FLNB: variants seen among roughly 807,000 people sequenced by gnomAD.
The protein encoded by FLNB is filamin B, also known as filamin-B.
A neutral mutation model predicts 250.6 loss-of-function variants in FLNB; 111 were observed. The ratio of observed to expected loss-of-function variants is 0.44; its 90% CI spans 0.38 to 0.52. FLNB has a LOEUF of 0.52. Among genes scored for constraint, FLNB ranks in the 20% least tolerant of loss-of-function variants. The pLI is 0.00. For missense variants in FLNB, 2,869 were observed against 3,447.8 expected, an observed-to-expected ratio of 0.83 and a Z score of 4.20; for synonymous variants, 1,302 against 1,372.1, an observed-to-expected ratio of 0.95 and a Z score of 1.13.
rs2097327229 is a variant in FLNB at position 58,141,627 on chromosome 3, G to A, written c.5110-231G>A. Reference sequence around the variant, plus strand: ...AACTATGGAGTCTCCCGCCAGCTTAGGTCTGCGTGCTACAAGTGGGGTTGT... The same window carrying A: ...AACTATGGAGTCTCCCGCCAGCTTAAGTCTGCGTGCTACAAGTGGGGTTGT... On this transcript the variant is annotated intron_variant, in intron 29 of 45. Coordinates refer to ENST00000295956, the MANE Select transcript of FLNB (RefSeq NM_001457.4). Among the ~76,000 whole-genome samples the A allele has an allele frequency of 4.6e-5, 7 of 152,352 alleles. 1 individual carries two copies. The South Asian group carries it at 1.4e-3, about 32-fold the overall frequency.
chr3:58,065,016 G>T (rs1045304168), intron 1 of FLNB, among the ~76,000 whole-genome samples: 1 of 152,116 alleles, frequency 6.6e-6, no homozygotes, highest in Non-Finnish European at 1.5e-5. Context: ...CTCCAGCTTG[G>T]GTGACAGAGC....
chr3:58,114,549 C>CT (rs1050445775), intron 18 of FLNB, among the ~76,000 whole-genome samples: 1 of 109,142 alleles, frequency 9.2e-6, no homozygotes, highest in Non-Finnish European at 1.7e-5. Context: ...TGATTATAAA[C>CT]CCGAAATGGA....
Position 58,142,820 on chromosome 3 carries a change from G to T in FLNB, c.5284+68G>T. ...CACGAGCTTCCCAGAATGGTGCTGG[G>T]GAGGTGTGTCCACTGTCCCCCAGAC... On this transcript the variant is annotated intron_variant, in intron 31 of 45. Coordinates refer to ENST00000295956, the MANE Select transcript of FLNB (RefSeq NM_001457.4). The surrounding 1 kb of genome is among the most constrained non-coding windows in gnomAD (Gnocchi z 4.3). 1 of 1,395,916 alleles carries T rather than the reference G, an allele frequency of 7.2e-7. No individual in the cohort carries two copies. The allele number at this position is 1,395,916 out of a possible 1,614,324, so 86.5% of individuals were successfully genotyped here. A position where few individuals can be genotyped will look rare whatever the true frequency, so the allele number is the denominator to read the frequency against.
At position 58,132,827 on chromosome 3, in the gene FLNB, C is replaced by T. The variant is rs904130979; in HGVS notation, c.4410C>T (p.Asn1470=). The stretch of plus-strand genomic sequence containing the variant: ...CCTCAGGCTTGGTGGAGCCAGTGAA[C>T]GTGGTGGACAATGGAGATGGCACAC... ...LGPRGLVEPV[N]VVDNGDGTHT... Residue 1470 remains asparagine (N), a synonymous_variant, in exon 26 of 46, where the codon AAC becomes AAT. Coordinates refer to ENST00000295956, the MANE Select transcript of FLNB (RefSeq NM_001457.4). 3.7e-6 allele frequency: 6 copies of T among 1,614,136 alleles called. No individual in the cohort carries two copies. The highest frequency in any genetic ancestry group is 5.1e-6 in the Non-Finnish European group (6 of 1,180,016).
At chr3:58,109,353 T>C (rs1260424289) in intron 14 of FLNB, 31 bp downstream of exon 14, 3 of 1,604,850 alleles carry the variant, frequency 1.9e-6, no homozygotes, top group Non-Finnish European at 2.6e-6. Flanking sequence ...CTGGCTGTTT[T>C]ATGGAAATGC....
At chr3:58,158,768 TC>T (rs759119761) in intron 41 of FLNB, among the ~76,000 whole-genome samples, 1 of 152,170 alleles carries the variant, frequency 6.6e-6, no homozygotes, top group Non-Finnish European at 1.5e-5. Flanking sequence ...GTGAAACTGA[TC>T]CAGGGAAGAG....
intron 28 of FLNB, among the ~76,000 whole-genome samples, chr3:58,137,452 C>T (rs934315115): frequency 1.3e-5 from 2 of 152,234 alleles, no homozygotes; most frequent in African/African-American, 4.8e-5. Flanking sequence ...TGAATACTTG[C>T]CTTTTGGCCA....
chr3:58,108,647 T>C, intron 13 of FLNB, 76 bp downstream of exon 13: 2 of 866,020 alleles, frequency 2.3e-6, no homozygotes, highest in Non-Finnish European at 2.0e-6. Context: ...AGTTGCTGAG[T>C]CCATCTGATC....
chr3:58,139,766 G>A (rs1048200530), intron 29 of FLNB, among the ~76,000 whole-genome samples: 5 of 152,176 alleles, frequency 3.3e-5, no homozygotes, highest in Admixed American at 1.3e-4. Context: ...TTAGCCCATA[G>A]TGGGTTTTAT....
At chr3:58,152,855 G>C (rs1286508826) in intron 38 of FLNB, 2 of 680,348 alleles carry the variant, frequency 2.9e-6, no homozygotes, top group East Asian at 6.6e-5. Flanking sequence ...TTGGCATGAC[G>C]TGAGCAGCTC....
intron 4 of FLNB, among the ~76,000 whole-genome samples, chr3:58,089,572 G>A (rs1278699480): frequency 6.7e-6 from 1 of 149,378 alleles, no homozygotes; most frequent in Non-Finnish European, 1.5e-5. Flanking sequence ...GGCTTCGGTA[G>A]GCAGTTAAGA....
At chr3:58,144,173 C>T (rs554655921) in intron 32 of FLNB, among the ~76,000 whole-genome samples, 35 of 152,292 alleles carry the variant, frequency 2.3e-4, no homozygotes, top group Non-Finnish European at 3.1e-4. Flanking sequence ...AAAAATGATA[C>T]GAAGAAAGTT....
chr3:58,023,333 T>G (rs1443497642), intron 1 of FLNB, among the ~76,000 whole-genome samples: 4 of 152,080 alleles, frequency 2.6e-5, no homozygotes. Flanking sequence ...TCCACCTACC[T>G]GGCCCTCCCA....
chr3:58,167,615 G>A (rs2097372986), intron 43 of FLNB, among the ~76,000 whole-genome samples: 1 of 152,198 alleles, frequency 6.6e-6, no homozygotes, highest in Non-Finnish European at 1.5e-5. Context: ...GTTGTCTCAG[G>A]GCTGCAGTTA....
chr3:58,122,037 C>T (rs1226748955), intron 20 of FLNB, among the ~76,000 whole-genome samples: 5 of 151,654 alleles, frequency 3.3e-5, no homozygotes, highest in South Asian at 2.1e-4. Context: ...GGCATGGTGG[C>T]GGGCACCTGT....
At chr3:58,131,127 C>A (rs1358417471) in intron 25 of FLNB, among the ~76,000 whole-genome samples, 1 of 152,102 alleles carries the variant, frequency 6.6e-6, no homozygotes, top group African/African-American at 2.4e-5. Flanking sequence ...AATAATATGG[C>A]TATCAATTTC....
chr3:58,100,854 C>T (rs1274963344), intron 8 of FLNB, among the ~76,000 whole-genome samples: 1 of 151,934 alleles, frequency 6.6e-6, no homozygotes, highest in Non-Finnish European at 1.5e-5. Context: ...CTGCCTCGGC[C>T]TCCCAAAATG....
intron 1 of FLNB, among the ~76,000 whole-genome samples, chr3:58,012,673 G>A (rs1310245269): frequency 6.6e-6 from 1 of 152,220 alleles, no homozygotes; most frequent in Non-Finnish European, 1.5e-5. Flanking sequence ...CAAGTTGAGA[G>A]TCAGCCGGGA....
chr3:58,162,499 TC>T (rs1395174456), intron 42 of FLNB: 2 of 152,800 alleles, frequency 1.3e-5, no homozygotes, highest in African/African-American at 4.8e-5. Context: ...CCGTTTTTTT[TC>T]CCCTTCAAGT....
Sources: gnomAD v4.1 joint callset for allele counts (sites outside exome capture counted in the v4.1 genomes callset) on GRCh38, gnomAD v4.1.1 for gene constraint, Gnocchi (gnomAD v3.1) non-coding constraint, MANE v1.5 for transcripts, NCBI Gene and HGNC (gene_info 2026-07-23, HGNC 2026-07-21) for gene names.